Variants in RAB2B observed in about 807,000 individuals in gnomAD.
RAB2B encodes ras-related protein Rab-2B.
Under a neutral mutation model 29.8 loss-of-function variants are expected in RAB2B, and 20 were observed. The observed-to-expected ratio is 0.67, with a 90% CI of 0.47 to 0.97. RAB2B has a LOEUF of 0.97. Ranked by LOEUF, RAB2B falls within the 50% of genes least tolerant of loss-of-function variation. The pLI, the probability that RAB2B is intolerant of heterozygous loss-of-function variation, is 0.00. For missense variants in RAB2B, 218 were observed against 272.0 expected, an observed-to-expected ratio of 0.80 and a Z score of 1.40; for synonymous variants, 93 against 91.7, an observed-to-expected ratio of 1.01 and a Z score of -0.08.
Position 21,476,930 on chromosome 14 carries a change from C to T in RAB2B, c.-58G>A, listed in dbSNP as rs923920183. ...GACTTCTATAGCCACTTACCTCCGACCTCTCTAGCCACTCAATCTACCGAT... is the reference window on the plus strand; with the variant it reads ...GACTTCTATAGCCACTTACCTCCGATCTCTCTAGCCACTCAATCTACCGAT... On this transcript the variant is annotated 5_prime_UTR_variant, in exon 1 of 8. Transcript: ENST00000397762. 1.3e-6 allele frequency: 2 copies of T among 1,565,674 alleles called. No individual in the cohort carries two copies. Among genetic ancestry groups the T allele is most frequent in the African/African-American group, 1.4e-5 (1 of 73,898 alleles).
At chr14:21,473,402 T>A (rs1421452527) in intron 3 of RAB2B, among the ~76,000 whole-genome samples, 2 of 152,132 alleles carry the variant, frequency 1.3e-5, no homozygotes, top group African/African-American at 4.8e-5. Flanking sequence ...AATGTACAAA[T>A]CAAATGAGAT....
intron 3 of RAB2B, among the ~76,000 whole-genome samples, chr14:21,473,556 T>G (rs1363449583): frequency 6.6e-6 from 1 of 152,204 alleles, no homozygotes; most frequent in East Asian, 1.9e-4. Flanking sequence ...TCCACAAAAA[T>G]TCTCAAACAT....
At chr14:21,476,495 AT>A in intron 2 of RAB2B, 32 bp downstream of exon 2, 1 of 1,612,758 alleles carries the variant, frequency 6.2e-7, no homozygotes, top group Non-Finnish European at 8.5e-7. Flanking sequence ...GTCAGGTTTT[AT>A]CATCTGTTCT....
Position 21,476,695 on chromosome 14 carries a change from G to A in RAB2B, c.47-96C>T, listed in dbSNP as rs754415253. On this transcript the variant is annotated intron_variant, in intron 1 of 7. Transcript: ENST00000397762. ...CAGAGAAGGGGGGCTCCCGAGCCCC[G>A]CCCCCGGCCGCCCCGAACCGCCCCG... The A allele has an allele frequency of 8.1e-6, 10 of 1,233,118 alleles. No homozygotes were observed. In the South Asian group the frequency reaches 1.1e-4, roughly 13 times the overall value. 76.4% of individuals were successfully genotyped at this position (1,233,118 alleles called of 1,614,324 possible).
intron 3 of RAB2B, among the ~76,000 whole-genome samples, chr14:21,474,181 ATC>A (rs1015988418): frequency 2.0e-5 from 3 of 152,008 alleles, no homozygotes; most frequent in African/African-American, 4.8e-5. Flanking sequence ...ACAAGAGTGA[ATC>A]TCTGTCTCAA....
intron 6 of RAB2B, among the ~76,000 whole-genome samples, chr14:21,462,828 A>T (rs1890593714): frequency 7.0e-6 from 1 of 143,594 alleles, no homozygotes; most frequent in Non-Finnish European, 1.5e-5. Flanking sequence ...ACAGAACGAG[A>T]CTCAGTCTAA....
intron 1 of RAB2B, 89 bp downstream of exon 1, chr14:21,476,738 A>G: frequency 1.2e-6 from 1 of 840,130 alleles, no homozygotes; most frequent in African/African-American, 3.4e-5. Context: ...CGAATCGCCC[A>G]GCCCACAAAG....
intron 3 of RAB2B, among the ~76,000 whole-genome samples, chr14:21,473,149 C>A (rs750091021): frequency 8.6e-5 from 13 of 151,814 alleles, no homozygotes; most frequent in African/African-American, 2.9e-4. Flanking sequence ...CATACACTTG[C>A]GTGTGGTGAG....
chr14:21,469,386 T>G (rs1028957790), intron 3 of RAB2B, among the ~76,000 whole-genome samples: 19 of 152,214 alleles, frequency 1.2e-4, no homozygotes, highest in African/African-American at 3.6e-4. Context: ...TTGCTGGGCT[T>G]CTGTCATGGG....
At chr14:21,465,863 T>C (rs1316133256) in intron 5 of RAB2B, among the ~76,000 whole-genome samples, 1 of 152,134 alleles carries the variant, frequency 6.6e-6, no homozygotes, top group African/African-American at 2.4e-5. Context: ...GTGTCAAGCT[T>C]CTTCCAAGTT....
chr14:21,476,763 G>A (rs1278702986), intron 1 of RAB2B, 64 bp downstream of exon 1: 2 of 610,772 alleles, frequency 3.3e-6, no homozygotes, highest in African/African-American at 4.3e-5. Context: ...CCCCGCCCCC[G>A]CCACCCAATT....
At chr14:21,469,481 C>T (rs1280544780) in intron 3 of RAB2B, among the ~76,000 whole-genome samples, 1 of 152,224 alleles carries the variant, frequency 6.6e-6, no homozygotes, top group African/African-American at 2.4e-5. Context: ...ACTCTAATCT[C>T]ATTTCCAGTT....
At chr14:21,467,248 G>A (rs1240504721) in intron 5 of RAB2B, among the ~76,000 whole-genome samples, 4 of 151,736 alleles carry the variant, frequency 2.6e-5, no homozygotes, top group Non-Finnish European at 4.4e-5. Context: ...TCCTGTTGCT[G>A]AGGCAGGAGT....
intron 7 of RAB2B, among the ~76,000 whole-genome samples, chr14:21,461,559 C>CA (rs34855848): frequency 0.2 from 30,106 of 152,120 alleles, 3,912 homozygotes; most frequent in African/African-American, 0.36. Flanking sequence ...TAGTTGACTA[C>CA]AGTGGCTTTT....
At chr14:21,472,306 C>A (rs1205312676) in intron 3 of RAB2B, among the ~76,000 whole-genome samples, 1 of 152,164 alleles carries the variant, frequency 6.6e-6, no homozygotes, top group African/African-American at 2.4e-5. Flanking sequence ...TCTAAATCCA[C>A]ATAAATGCCA....
At chr14:21,467,406 A>C (rs1268700251) in intron 5 of RAB2B, among the ~76,000 whole-genome samples, 2 of 152,208 alleles carry the variant, frequency 1.3e-5, no homozygotes, top group East Asian at 3.8e-4. Context: ...CAATCCTTCC[A>C]GAGCTGGGAT....
chr14:21,471,759 T>G (rs1420060230), intron 3 of RAB2B, among the ~76,000 whole-genome samples: 1 of 148,820 alleles, frequency 6.7e-6, no homozygotes, highest in African/African-American at 2.5e-5. Context: ...CACTGCAACC[T>G]CCGCCTCCCA....
intron 3 of RAB2B, among the ~76,000 whole-genome samples, chr14:21,472,180 C>T (rs1890833608): frequency 1.3e-5 from 2 of 152,112 alleles, no homozygotes; most frequent in Admixed American, 1.3e-4. Context: ...AAAATACAAA[C>T]CAATTTGATA....
At position 21,460,338 on chromosome 14, in the gene RAB2B, G is replaced by A. The variant is rs1890513258; in HGVS notation, c.*858C>T. 1 of 509,912 alleles carries A rather than the reference G, an allele frequency of 2.0e-6. No homozygotes were observed. Among genetic ancestry groups the A allele is most frequent in the African/African-American group, 1.9e-5 (1 of 51,486 alleles). The allele number at this position is 509,912 out of a possible 1,614,324, so 31.6% of individuals were successfully genotyped here. A position where few individuals can be genotyped will look rare whatever the true frequency, so the allele number is the denominator to read the frequency against. Reference sequence around the variant, plus strand: ...CACGGTGGCTCACACCTGTAATCCAGCACTTTGGGAGGCCAAGGTGGGCGG... The same window carrying A: ...CACGGTGGCTCACACCTGTAATCCAACACTTTGGGAGGCCAAGGTGGGCGG... On this transcript the variant is annotated 3_prime_UTR_variant, in exon 8 of 8. Coordinates refer to ENST00000397762, the MANE Select transcript of RAB2B (RefSeq NM_032846.4).
Sources: allele counts gnomAD v4.1 joint callset (sites outside exome capture counted in the v4.1 genomes callset), GRCh38; gene constraint gnomAD v4.1.1; transcripts MANE v1.5; gene names NCBI Gene and HGNC (gene_info 2026-07-23, HGNC 2026-07-21).